ACVR2A: variants seen among roughly 807,000 people sequenced by gnomAD.
ACVR2A encodes activin A receptor type 2A, also known as activin receptor type-2A.
In ACVR2A, 7 loss-of-function variants were observed where a neutral mutation model predicts 61.4. The observed-to-expected ratio is 0.11, with a 90% confidence interval of 0.06 to 0.21. ACVR2A has a LOEUF of 0.21. Among genes scored for constraint, ACVR2A ranks in the 10% least tolerant of loss-of-function variants. ACVR2A has a pLI of 1.00. For missense variants in ACVR2A, 322 were observed against 621.7 expected, an observed-to-expected ratio of 0.52 and a Z score of 5.13; for synonymous variants, 193 against 208.3, an observed-to-expected ratio of 0.93 and a Z score of 0.63.
Position 147,929,389 on chromosome 2 carries a change from T to TAAAC in ACVR2A, c.*2118_*2121dup, listed in dbSNP as rs895910786. On this transcript the variant is annotated 3_prime_UTR_variant, in exon 11 of 11. Coordinates refer to ENST00000241416, the MANE Select transcript of ACVR2A (RefSeq NM_001616.5). ...TTTCTTTTTAAAAGTTAAACAAAAA[T>TAAAC]AAACAAGGGATATTATGATGAATGT... is the stretch of plus-strand genomic sequence containing the variant. 6.6e-6 allele frequency: 1 copy of TAAAC among 151,926 alleles called. No individual in the cohort carries two copies. The highest frequency in any genetic ancestry group is 2.4e-5 in the African/African-American group (1 of 41,374). 9.4% of individuals were successfully genotyped at this position (151,926 alleles called of 1,614,324 possible). A position where few individuals can be genotyped will look rare whatever the true frequency, so the allele number is the denominator to read the frequency against.
chr2:147,882,521 T>C (rs1216359406), intron 1 of ACVR2A, among the ~76,000 whole-genome samples: 1 of 152,158 alleles, frequency 6.6e-6, no homozygotes, highest in Non-Finnish European at 1.5e-5. Flanking sequence ...GCCACTGCAC[T>C]CCAGCCTGAA....
chr2:147,883,365 A>G (rs1233713061), intron 1 of ACVR2A, among the ~76,000 whole-genome samples: 1 of 152,038 alleles, frequency 6.6e-6, no homozygotes, highest in East Asian at 1.9e-4. Flanking sequence ...TAATTTTTGT[A>G]TTTTTGGTAG....
At chr2:147,898,999 G>C (rs539970333) in intron 2 of ACVR2A, among the ~76,000 whole-genome samples, 1 of 152,030 alleles carries the variant, frequency 6.6e-6, no homozygotes, top group Non-Finnish European at 1.5e-5. Flanking sequence ...TAGCATGTGT[G>C]TATGTATTTA....
intron 1 of ACVR2A, among the ~76,000 whole-genome samples, chr2:147,894,117 C>T (rs1358602620): frequency 6.6e-6 from 1 of 152,048 alleles, no homozygotes; most frequent in Non-Finnish European, 1.5e-5. Context: ...TCTGTGGTTG[C>T]TACGACTATC....
chr2:147,882,442 T>G (rs1686328186), intron 1 of ACVR2A, among the ~76,000 whole-genome samples: 1 of 152,140 alleles, frequency 6.6e-6, no homozygotes, highest in African/African-American at 2.4e-5. Context: ...TTCCAGCCAC[T>G]TGGGAGTTTG....
intron 1 of ACVR2A, among the ~76,000 whole-genome samples, chr2:147,874,963 G>C (rs1686117666): frequency 6.6e-6 from 1 of 151,890 alleles, no homozygotes. Context: ...TCATTAAGTA[G>C]TTTTTGATGA....
At chr2:147,877,365 T>C (rs1388322152) in intron 1 of ACVR2A, 1 of 152,192 alleles carries the variant, frequency 6.6e-6, no homozygotes, top group Non-Finnish European at 1.5e-5. Flanking sequence ...TCAGGATAGG[T>C]TGACAAAAGT....
At position 147,927,309 on chromosome 2, in the gene ACVR2A, C is replaced by T. The variant is rs778868374; in HGVS notation, c.*35C>T. 18 of 1,565,100 alleles carry T rather than the reference C, an allele frequency of 1.2e-5. No individual in the cohort carries two copies. The South Asian group carries it at 2.0e-4, about 17-fold the overall frequency. On this transcript the variant is annotated 3_prime_UTR_variant, in exon 11 of 11. Coordinates refer to ENST00000241416, the MANE Select transcript of ACVR2A (RefSeq NM_001616.5). ...CATCTGTGCACACTAAGAAATGGGA[C>T]TCTGAACTGGAGCTGCTAAGCTAAA...
chr2:147,873,780 T>G (rs1686086843), intron 1 of ACVR2A, among the ~76,000 whole-genome samples: 1 of 151,984 alleles, frequency 6.6e-6, no homozygotes, highest in Admixed American at 6.6e-5. Context: ...ATGCTTAATA[T>G]TCTATGACAA....
intron 1 of ACVR2A, among the ~76,000 whole-genome samples, chr2:147,852,349 A>G (rs1419540474): frequency 6.6e-6 from 1 of 152,080 alleles, no homozygotes; most frequent in African/African-American, 2.4e-5. Flanking sequence ...TTTAAAAAAC[A>G]TTGATCGTGA....
chr2:147,862,486 G>T (rs569161622), intron 1 of ACVR2A, among the ~76,000 whole-genome samples: 3 of 152,166 alleles, frequency 2.0e-5, no homozygotes, highest in East Asian at 3.9e-4. Flanking sequence ...CTTCATGCCT[G>T]TAATCCCAGC....
At chr2:147,894,128 G>A (rs1008456617) in intron 1 of ACVR2A, among the ~76,000 whole-genome samples, 3 of 152,026 alleles carry the variant, frequency 2.0e-5, no homozygotes, top group African/African-American at 4.8e-5. Context: ...TACGACTATC[G>A]TTTTTCTATT....
At chr2:147,912,226 C>T (rs1198405145) in intron 4 of ACVR2A, among the ~76,000 whole-genome samples, 3 of 151,856 alleles carry the variant, frequency 2.0e-5, no homozygotes, top group Non-Finnish European at 2.9e-5. Flanking sequence ...TTACTTTTTA[C>T]CAGGTTATCA....
intron 5 of ACVR2A, among the ~76,000 whole-genome samples, chr2:147,916,273 T>G (rs988790472): frequency 4.0e-5 from 6 of 151,800 alleles, no homozygotes; most frequent in Non-Finnish European, 2.9e-5. Context: ...GTGCCAAGAT[T>G]CATAAATAAG....
At chr2:147,878,460 A>G (rs1256946184) in intron 1 of ACVR2A, among the ~76,000 whole-genome samples, 1 of 150,770 alleles carries the variant, frequency 6.6e-6, no homozygotes, top group Non-Finnish European at 1.5e-5. Flanking sequence ...TTTTTTTATT[A>G]AGAAAGAGGC....
intron 1 of ACVR2A, among the ~76,000 whole-genome samples, chr2:147,888,867 A>G (rs923470896): frequency 2.6e-5 from 4 of 151,848 alleles, no homozygotes; most frequent in Admixed American, 6.6e-5. Context: ...TTGAGAGTGA[A>G]ATTGTTGACT....
chr2:147,844,536 C>T, upstream of ACVR2A: 1 of 149,392 alleles, frequency 6.7e-6, no homozygotes, highest in East Asian at 2.0e-4. Context: ...AAAACGCGGC[C>T]GAGCCCGGAG....
Position 147,920,355 on chromosome 2 carries a change from T to C in ACVR2A, c.1077+11T>C. On this transcript the variant is annotated intron_variant, in intron 8 of 10. Coordinates refer to ENST00000241416, the MANE Select transcript of ACVR2A (RefSeq NM_001616.5). ...GATACCCATGGACAGGTAAGGATGA[T>C]GATTATAAAATGTAAGAAAAAATAA... 7 of 1,579,040 alleles carry C rather than the reference T, an allele frequency of 4.4e-6. No homozygotes were observed. Among genetic ancestry groups the C allele is most frequent in the Non-Finnish European group, 6.1e-6 (7 of 1,154,762 alleles).
chr2:147,869,466 C>A (rs1018487098), intron 1 of ACVR2A, among the ~76,000 whole-genome samples: 1 of 151,990 alleles, frequency 6.6e-6, no homozygotes, highest in East Asian at 1.9e-4. Flanking sequence ...GGAAGGAAAT[C>A]CAGGGATTGA....
Sources: allele counts gnomAD v4.1 joint callset (sites outside exome capture counted in the v4.1 genomes callset), GRCh38; gene constraint gnomAD v4.1.1; transcripts MANE v1.5; gene names NCBI Gene and HGNC (gene_info 2026-07-23, HGNC 2026-07-21).